Variants in STXBP6 observed in about 807,000 individuals in gnomAD.
The protein encoded by STXBP6 is syntaxin-binding protein 6.
STXBP6 carries 21 observed loss-of-function variants against 26.9 expected under a neutral mutation model. The ratio of observed to expected loss-of-function variants is 0.78; its 90% CI spans 0.55 to 1.12. The LOEUF (loss-of-function observed/expected upper bound fraction) is 1.12, where lower values mean the gene tolerates loss of function less well. STXBP6 is among the 50% of genes most tolerant of loss of function. STXBP6 has a pLI of 0.00. For synonymous variants in STXBP6, 97 were observed against 92.6 expected (o/e 1.05, Z -0.27); for missense variants, 232 against 257.9 (o/e 0.90, Z 0.69).
chr14:25,034,042 A>G (rs1333179009), intron 1 of STXBP6, among the ~76,000 whole-genome samples: 5 of 152,184 alleles, frequency 3.3e-5, no homozygotes, highest in Non-Finnish European at 7.3e-5. Context: ...AAACTATAAT[A>G]TCTTTGTCTG....
rs149827310 is a variant in STXBP6 at position 25,022,021 on chromosome 14, A to G, written c.-33+27857T>C. On this transcript the variant is annotated intron_variant, in intron 1 of 5. Transcript: ENST00000323944. ...CCAACTAGAACAAGTTACTCAGCTCAAGACAAAAATCCTGATTTCTATGTG... is the reference window on the plus strand; with the variant it reads ...CCAACTAGAACAAGTTACTCAGCTCGAGACAAAAATCCTGATTTCTATGTG... Among the ~76,000 whole-genome samples, 50 of 152,344 alleles carry G rather than the reference A, an allele frequency of 3.3e-4. No homozygotes were observed. The East Asian group carries it at 9.3e-3, about 28-fold the overall frequency.
chr14:24,944,416 T>C (rs980722365), intron 2 of STXBP6, among the ~76,000 whole-genome samples: 5 of 152,214 alleles, frequency 3.3e-5, no homozygotes, highest in African/African-American at 9.6e-5. Context: ...GAAAAGCCCT[T>C]ACCCCATCAG....
intron 2 of STXBP6, among the ~76,000 whole-genome samples, chr14:24,926,938 T>TAAA (rs33991257): frequency 4.0e-5 from 6 of 150,566 alleles, no homozygotes; most frequent in East Asian, 1.9e-4. Flanking sequence ...TGCTGCTATT[T>TAAA]AAAAAAAAAA....
chr14:24,881,239 AC>A (rs1446765767), intron 2 of STXBP6, among the ~76,000 whole-genome samples: 4 of 151,818 alleles, frequency 2.6e-5, no homozygotes, highest in African/African-American at 9.7e-5. Flanking sequence ...CTTTCTCTAT[AC>A]TTTCTTGGAA....
chr14:24,881,729 G>T (rs1200626619), intron 2 of STXBP6, among the ~76,000 whole-genome samples: 1 of 152,148 alleles, frequency 6.6e-6, no homozygotes, highest in Non-Finnish European at 1.5e-5. Context: ...TGACTTGCTT[G>T]TGAAAAATAA....
intron 2 of STXBP6, among the ~76,000 whole-genome samples, chr14:24,890,268 A>C (rs1422313629): frequency 6.6e-6 from 1 of 152,240 alleles, no homozygotes; most frequent in Admixed American, 6.5e-5. Flanking sequence ...CAGAACACTA[A>C]CTGCAAAAGA....
rs544904050 is a variant in STXBP6, at chr14:25,001,214, T to C, written c.-32-26364A>G. On this transcript the variant is annotated intron_variant, in intron 1 of 5. Coordinates refer to ENST00000323944, the MANE Select transcript of STXBP6 (RefSeq NM_001394410.1). ...CAACAAGGACTTACTGAGTGATTAA[T>C]GTGCTGAGTAGAATGCAAGGAGACT... Among the ~76,000 whole-genome samples the C allele has an allele frequency of 1.3e-4, 20 of 152,282 alleles. No homozygotes were observed. The East Asian group carries it at 3.7e-3, about 28-fold the overall frequency.
intron 2 of STXBP6, among the ~76,000 whole-genome samples, chr14:24,949,195 T>G (rs1181364859): frequency 6.6e-6 from 1 of 152,226 alleles, no homozygotes; most frequent in African/African-American, 2.4e-5. Flanking sequence ...CATTACACAA[T>G]GCCAGTATTT....
intron 1 of STXBP6, among the ~76,000 whole-genome samples, chr14:25,034,108 C>G (rs2075509916): frequency 6.6e-6 from 1 of 152,180 alleles, no homozygotes; most frequent in Admixed American, 6.5e-5. Flanking sequence ...AAGTAGGGTG[C>G]TGCATAGAAG....
intron 4 of STXBP6, among the ~76,000 whole-genome samples, chr14:24,853,531 C>A (rs982238347): frequency 1.3e-5 from 2 of 152,058 alleles, no homozygotes; most frequent in Non-Finnish European, 2.9e-5. Flanking sequence ...TTAACCTACA[C>A]AATAAAACTA....
chr14:24,858,104 T>C (rs1299473988), intron 2 of STXBP6, among the ~76,000 whole-genome samples: 1 of 152,184 alleles, frequency 6.6e-6, no homozygotes, highest in East Asian at 1.9e-4. Context: ...ACTATGCATC[T>C]GTGGCATATT....
At chr14:24,822,244 T>A (rs2068156464) in intron 4 of STXBP6, among the ~76,000 whole-genome samples, 2 of 152,092 alleles carry the variant, frequency 1.3e-5, no homozygotes, top group Non-Finnish European at 1.5e-5. Context: ...CAGCCGGAAA[T>A]CTGGGAGTCT....
intron 4 of STXBP6, chr14:24,819,568 T>C (rs186794140): frequency 4.1e-5 from 20 of 490,852 alleles, no homozygotes; most frequent in African/African-American, 3.1e-4. Context: ...ATTAGGCAAG[T>C]TCAATGAGAC....
intron 2 of STXBP6, among the ~76,000 whole-genome samples, chr14:24,924,579 A>C (rs2139838654): frequency 6.6e-6 from 1 of 152,330 alleles, no homozygotes; most frequent in East Asian, 1.9e-4. Context: ...TTATTCATTA[A>C]GAATAAGAAT....
chr14:25,003,719 A>G (rs1041726074), intron 1 of STXBP6, among the ~76,000 whole-genome samples: 24 of 151,734 alleles, frequency 1.6e-4, no homozygotes, highest in African/African-American at 4.1e-4. Flanking sequence ...GCAACCACTT[A>G]GCATGTCATC....
At chr14:24,915,399 T>C (rs2071728711) in intron 2 of STXBP6, among the ~76,000 whole-genome samples, 1 of 152,146 alleles carries the variant, frequency 6.6e-6, no homozygotes, top group African/African-American at 2.4e-5. Context: ...CAATGGACTA[T>C]TACTATTACC....
intron 4 of STXBP6, among the ~76,000 whole-genome samples, chr14:24,831,129 A>G (rs1342940031): frequency 6.6e-6 from 1 of 152,178 alleles, no homozygotes; most frequent in East Asian, 1.9e-4. Flanking sequence ...ATAGGTGTAA[A>G]TCTTCATGAC....
At chr14:25,024,870 A>T (rs2075320871) in intron 1 of STXBP6, among the ~76,000 whole-genome samples, 1 of 152,254 alleles carries the variant, frequency 6.6e-6, no homozygotes, top group Non-Finnish European at 1.5e-5. Flanking sequence ...AAGCATTATT[A>T]TAGGCCTTTG....
chr14:24,973,466 ACC>A (rs1474916776), intron 2 of STXBP6, among the ~76,000 whole-genome samples: 2 of 143,218 alleles, frequency 1.4e-5, no homozygotes, highest in Non-Finnish European at 3.0e-5. Context: ...GCTCACTGCA[ACC>A]TCTGCCTCCT....
Sources: gnomAD v4.1 joint callset for allele counts (sites outside exome capture counted in the v4.1 genomes callset) on GRCh38, gnomAD v4.1.1 for gene constraint, MANE v1.5 for transcripts, NCBI Gene and HGNC (gene_info 2026-07-23, HGNC 2026-07-21) for gene names.